The following COP1 variants were observed in gnomAD, a reference collection of about 807,000 sequenced individuals.
COP1 encodes the protein COP1 E3 ubiquitin ligase, also known as E3 ubiquitin-protein ligase COP1.
In COP1, 24 loss-of-function variants were observed where a neutral mutation model predicts 101.3. The observed-to-expected ratio is 0.24, with a 90% CI of 0.17 to 0.33. The LOEUF is 0.33. COP1 is among the 10% of genes least tolerant of loss of function. The pLI is 1.00. For missense variants in COP1, 663 were observed against 906.2 expected, an observed-to-expected ratio of 0.73 and a Z score of 3.45; for synonymous variants, 347 against 341.9, an observed-to-expected ratio of 1.01 and a Z score of -0.17.
At position 175,988,550 on chromosome 1, in the gene COP1, C is replaced by G. The variant is rs565113579; in HGVS notation, c.1848-138G>C. 7.6e-6 allele frequency: 6 copies of G among 785,252 alleles called. 1 individual carries two copies. The highest frequency in any genetic ancestry group is 1.7e-5 in the African/African-American group (1 of 57,804). 48.6% of individuals were successfully genotyped at this position (785,252 alleles called of 1,614,324 possible). A position where few individuals can be genotyped will look rare whatever the true frequency, so the allele number is the denominator to read the frequency against. On this transcript the variant is annotated intron_variant, in intron 16 of 19. Coordinates refer to ENST00000367669, the MANE Select transcript of COP1 (RefSeq NM_022457.7). ...AGACTGAGTTAGCACGTTCATCTGTCGGCCAGGCGTGGTGGCTCACGCTTG... is the reference window on the plus strand; with the variant it reads ...AGACTGAGTTAGCACGTTCATCTGTGGGCCAGGCGTGGTGGCTCACGCTTG...
intron 14 of COP1, among the ~76,000 whole-genome samples, chr1:176,038,134 A>C (rs1183288853): frequency 6.6e-6 from 1 of 152,202 alleles, no homozygotes; most frequent in African/African-American, 2.4e-5. Flanking sequence ...GTATTTCTAT[A>C]AACTAGTAAG....
At chr1:176,117,211 T>C (rs1160100769) in intron 8 of COP1, among the ~76,000 whole-genome samples, 1 of 152,166 alleles carries the variant, frequency 6.6e-6, no homozygotes, top group Admixed American at 6.5e-5. Flanking sequence ...TTCAAAATAT[T>C]ATAATCAAAC....
chr1:176,175,872 G>A (rs373510613), intron 3 of COP1, 38 bp downstream of exon 3: 49 of 1,227,530 alleles, frequency 4.0e-5, no homozygotes, highest in African/African-American at 2.1e-4. Flanking sequence ...TTTGGGGATC[G>A]AAATATTTTT....
intron 11 of COP1, among the ~76,000 whole-genome samples, chr1:176,052,626 T>G (rs1403109450): frequency 1.3e-5 from 2 of 152,206 alleles, no homozygotes; most frequent in East Asian, 3.9e-4. Flanking sequence ...TTAAAAAAAT[T>G]TATGTAGGCA....
At chr1:176,163,113 T>C (rs1022920086) in intron 4 of COP1, 125 bp from the exon 5 acceptor site, 3 of 926,176 alleles carry the variant, frequency 3.2e-6, no homozygotes, top group African/African-American at 1.7e-5. Context: ...TATTATAATG[T>C]TCCAAACTAC....
rs139229940 is a variant in COP1, at chr1:176,038,786, C to A, written c.1612+4400G>T. 2.6e-3 allele frequency among the ~76,000 whole-genome samples: 388 copies of A among 150,394 alleles called. 3 individuals are homozygous for A. Among genetic ancestry groups the A allele is most frequent in the African/African-American group, 9.0e-3 (370 of 40,888 alleles). Reference sequence around the variant, plus strand: ...TGAGCCAAGATCATATCATTGCACTCCAGCCTGAGCAACAGAGCTAGACTC... The same window carrying A: ...TGAGCCAAGATCATATCATTGCACTACAGCCTGAGCAACAGAGCTAGACTC... On this transcript the variant is annotated intron_variant, in intron 14 of 19. Coordinates refer to ENST00000367669, the MANE Select transcript of COP1 (RefSeq NM_022457.7).
chr1:175,956,250 AT>A (rs1650635114), intron 18 of COP1, among the ~76,000 whole-genome samples: 1 of 152,092 alleles, frequency 6.6e-6, no homozygotes, highest in Admixed American at 6.5e-5. Context: ...AAATAGAGTA[AT>A]TTTTACAAAT....
intron 18 of COP1, among the ~76,000 whole-genome samples, chr1:175,965,414 G>T (rs745330122): frequency 2.0e-5 from 3 of 152,028 alleles, no homozygotes; most frequent in Non-Finnish European, 4.4e-5. Context: ...TTCATCACTC[G>T]TGCTGACATT....
Position 175,945,070 on chromosome 1 carries a change from A to G in COP1, c.*83T>C. The G allele has an allele frequency of 9.5e-7, 1 of 1,049,270 alleles. No individual in the cohort carries two copies. The highest frequency in any genetic ancestry group is 1.5e-6 in the Non-Finnish European group (1 of 688,702). The allele number at this position is 1,049,270 out of a possible 1,614,324, so 65.0% of individuals were successfully genotyped here. A position where few individuals can be genotyped will look rare whatever the true frequency, so the allele number is the denominator to read the frequency against. ...TGATGACTTTGGGGAGAGACATCAC[A>G]TGACATTTTCTGTTTCTTCTCTCAT... On this transcript the variant is annotated 3_prime_UTR_variant, in exon 20 of 20. Coordinates refer to ENST00000367669, the MANE Select transcript of COP1 (RefSeq NM_022457.7).
At chr1:176,032,638 C>T (rs1668824080) in intron 14 of COP1, among the ~76,000 whole-genome samples, 1 of 152,074 alleles carries the variant, frequency 6.6e-6, no homozygotes, top group Admixed American at 6.5e-5. Context: ...CTTCAGTTCC[C>T]CACCATGTGG....
intron 9 of COP1, among the ~76,000 whole-genome samples, chr1:176,110,092 T>C (rs1275746819): frequency 3.3e-5 from 5 of 152,202 alleles, no homozygotes; most frequent in East Asian, 1.9e-4. Flanking sequence ...TGTCTGTCTC[T>C]ATCTGTTTAT....
chr1:176,049,270 T>G (rs994406113), intron 11 of COP1, among the ~76,000 whole-genome samples: 4 of 151,874 alleles, frequency 2.6e-5, no homozygotes, highest in Non-Finnish European at 5.9e-5. Flanking sequence ...TCAAGACAGC[T>G]CTCTCTCTTT....
chr1:176,195,136 A>G (rs902278903), intron 1 of COP1, among the ~76,000 whole-genome samples: 5 of 134,274 alleles, frequency 3.7e-5, no homozygotes, highest in African/African-American at 1.4e-4. Context: ...GAGGAGAGAA[A>G]GAGGGAGAGG....
chr1:176,200,794 G>T (rs1700189064), intron 1 of COP1, among the ~76,000 whole-genome samples: 1 of 152,100 alleles, frequency 6.6e-6, no homozygotes, highest in Non-Finnish European at 1.5e-5. Context: ...AGAGGACAAA[G>T]AACAAGTAAG....
chr1:176,168,698 G>T, intron 3 of COP1: 1 of 327,564 alleles, frequency 3.1e-6, no homozygotes, highest in Non-Finnish European at 6.3e-6. Context: ...GAGAGGGAAA[G>T]AGAGCATTCA....
intron 15 of COP1, among the ~76,000 whole-genome samples, chr1:176,001,066 T>C (rs559074684): frequency 2.0e-5 from 3 of 152,234 alleles, no homozygotes; most frequent in South Asian, 4.1e-4. Flanking sequence ...TCAATTGTCT[T>C]TCAAACCCTT....
intron 15 of COP1, among the ~76,000 whole-genome samples, chr1:176,016,236 G>A (rs1306452608): frequency 6.6e-6 from 1 of 152,036 alleles, no homozygotes; most frequent in African/African-American, 2.4e-5. Context: ...ATAACCCATG[G>A]GGAATTTAGA....
chr1:176,074,324 T>C (rs1032570003), intron 11 of COP1, among the ~76,000 whole-genome samples: 2 of 152,174 alleles, frequency 1.3e-5, no homozygotes, highest in Non-Finnish European at 2.9e-5. Context: ...TGTGTTTGAA[T>C]ATAAGAAAGT....
At chr1:176,135,938 CA>C (rs11287283) in intron 7 of COP1, among the ~76,000 whole-genome samples, 113,911 of 151,892 alleles carry the variant, frequency 0.75, 44,712 homozygotes, top group East Asian at 0.92. Flanking sequence ...AAAAAAATTA[CA>C]ATACATATAA....
Sources: gnomAD v4.1 joint callset for allele counts (sites outside exome capture counted in the v4.1 genomes callset) on GRCh38, gnomAD v4.1.1 for gene constraint, MANE v1.5 for transcripts, NCBI Gene and HGNC (gene_info 2026-07-23, HGNC 2026-07-21) for gene names.